SCN7A: variants seen among roughly 807,000 people sequenced by gnomAD.
SCN7A encodes the protein sodium channel protein type 7 subunit alpha.
In SCN7A, 138 loss-of-function variants were observed where a neutral mutation model predicts 155.2. That is an observed-to-expected ratio of 0.89 (90% CI 0.77 to 1.02). The LOEUF (loss-of-function observed/expected upper bound fraction) is 1.02, where lower values mean the gene tolerates loss of function less well. Ranked by LOEUF, SCN7A falls within the 50% of genes least tolerant of loss-of-function variation. The pLI is 0.00. For synonymous variants in SCN7A, 693 were observed against 649.0 expected, an observed-to-expected ratio of 1.07 and a Z score of -1.03; for missense variants, 2,058 against 1,986.6, an observed-to-expected ratio of 1.04 and a Z score of -0.68.
At chr2:166,413,938 G>A (rs556532464) in intron 21 of SCN7A, among the ~76,000 whole-genome samples, 4 of 115,358 alleles carry the variant, frequency 3.5e-5, no homozygotes, top group Admixed American at 3.2e-4. Flanking sequence ...GATCATGTAA[G>A]TTAATACTTA....
At position 166,443,526 on chromosome 2, in the gene SCN7A, C is replaced by T. The variant is rs1426953485; in HGVS notation, c.1777G>A (p.Ala593Thr). The T allele has an allele frequency of 6.3e-7, 1 of 1,594,060 alleles. No individual in the cohort carries two copies. The highest frequency in any genetic ancestry group is 2.3e-5 in the East Asian group (1 of 44,212). ...ACCATCCTGAATAATCGAAGAAGAG[C>T]CATTCCTGCAACATTTGCTAGACAA... is the stretch of plus-strand genomic sequence containing the variant. ...ELCLANVAGMALLRLFRMLRI... is the reference protein window; with the variant it reads ...ELCLANVAGMTLLRLFRMLRI... Residue 593 changes from alanine to threonine, a missense_variant, in exon 14 of 26, where the codon GCT becomes ACT. By Grantham distance (58) the Ala-to-Thr change is moderately conservative. Coordinates refer to ENST00000643258, the MANE Select transcript of SCN7A (RefSeq NM_002976.4).
chr2:166,453,739 T>C (rs1218535679), intron 11 of SCN7A, among the ~76,000 whole-genome samples: 1 of 152,146 alleles, frequency 6.6e-6, no homozygotes, highest in African/African-American at 2.4e-5. Context: ...AGTTTTCCTA[T>C]AACATGAGGA....
intron 15 of SCN7A, among the ~76,000 whole-genome samples, chr2:166,433,888 A>G (rs1194244967): frequency 6.6e-6 from 1 of 152,186 alleles, no homozygotes; most frequent in Non-Finnish European, 1.5e-5. Flanking sequence ...TAACACTTGT[A>G]ACTTATTTTT....
At chr2:166,427,018 A>G (rs1045419570) in intron 18 of SCN7A, among the ~76,000 whole-genome samples, 1 of 152,076 alleles carries the variant, frequency 6.6e-6, no homozygotes, top group East Asian at 1.9e-4. Flanking sequence ...ACAAATACCA[A>G]TATACATTCT....
intron 1 of SCN7A, among the ~76,000 whole-genome samples, chr2:166,492,923 T>C (rs1436044190): frequency 6.6e-6 from 1 of 152,216 alleles, no homozygotes; most frequent in Non-Finnish European, 1.5e-5. Context: ...GTACAAAAAT[T>C]GAAATCAAGT....
rs148316135 is a variant in SCN7A at position 166,441,321 on chromosome 2, T to C, written c.2157+75A>G. ...CACAGTTACAGACCATTAGATCCCA[T>C]CAATGCACATCATGAAAATACCAAA... On this transcript the variant is annotated intron_variant, in intron 15 of 25. Coordinates refer to ENST00000643258, the MANE Select transcript of SCN7A (RefSeq NM_002976.4). 44 of 1,019,804 alleles carry C rather than the reference T, an allele frequency of 4.3e-5. No individual in the cohort carries two copies. In the East Asian group the frequency reaches 1.1e-3, roughly 26 times the overall value. The allele number at this position is 1,019,804 out of a possible 1,614,324, so 63.2% of individuals were successfully genotyped here.
At chr2:166,465,756 A>G in intron 8 of SCN7A, 25 bp downstream of exon 8, 1 of 1,608,154 alleles carries the variant, frequency 6.2e-7, no homozygotes, top group Non-Finnish European at 8.5e-7. Context: ...TCAATTTTTG[A>G]TATACATGGC....
At chr2:166,493,146 G>T (rs1274309490) in intron 1 of SCN7A, among the ~76,000 whole-genome samples, 1 of 152,152 alleles carries the variant, frequency 6.6e-6, no homozygotes, top group Non-Finnish European at 1.5e-5. Context: ...GCCATAAATT[G>T]CTCTCCTGAA....
Position 166,447,651 on chromosome 2 carries a change from A to C in SCN7A, c.1348T>G (p.Leu450Val). The change falls in exon 12 of 26, where the codon TTG (leucine) becomes GTG (valine). Residue 450 changes from leucine (L) to valine (V), a missense_variant. Leu to Val is a conservative substitution (Grantham distance 32, BLOSUM62 1). Coordinates refer to ENST00000643258, the MANE Select transcript of SCN7A (RefSeq NM_002976.4). ...KRSPISTDTS[L>V]DVLEDATLRH... ...AGAGTAGCATCTTCCAACACATCCA[A>C]TGATGTGTCTGTGGAAATTGGTGAC... The C allele has an allele frequency of 6.2e-7, 1 of 1,612,692 alleles. No homozygotes were observed. The highest frequency in any genetic ancestry group is 8.5e-7 in the Non-Finnish European group (1 of 1,178,966).
chr2:166,481,528 A>G (rs1702926923), intron 2 of SCN7A, among the ~76,000 whole-genome samples: 1 of 152,166 alleles, frequency 6.6e-6, no homozygotes, highest in Non-Finnish European at 1.5e-5. Flanking sequence ...AAAATTGTCA[A>G]GGGATTTTAC....
Position 166,406,002 on chromosome 2 carries a change from C to G in SCN7A, c.4627G>C (p.Ala1543Pro). Residue 1543 changes from alanine to proline, a missense_variant, in exon 26 of 26, where the codon GCT becomes CCT. Transcript: ENST00000643258. ...IDSSKLSDFA[A>P]ALDPPLFMAK... ...ATGAAAAGAGGAGGATCAAGAGCAG[C>G]TGCAAAATCTGAAAGCTTGCTAGAG... 1 of 1,612,968 alleles carries G rather than the reference C, an allele frequency of 6.2e-7. No homozygotes were observed. Among genetic ancestry groups the G allele is most frequent in the Non-Finnish European group, 8.5e-7 (1 of 1,179,386 alleles).
At chr2:166,413,153 C>T (rs1182959359) in intron 21 of SCN7A, 32 bp from the exon 22 acceptor site, 14 of 1,319,032 alleles carry the variant, frequency 1.1e-5, no homozygotes, top group African/African-American at 1.5e-5. Flanking sequence ...AAAATTTATG[C>T]TTCCTGGCAA....
At chr2:166,492,749 T>C (rs1683141171) in intron 1 of SCN7A, among the ~76,000 whole-genome samples, 1 of 152,208 alleles carries the variant, frequency 6.6e-6, no homozygotes, top group Admixed American at 6.5e-5. Context: ...GTGAAGTAGA[T>C]AAAAACACAG....
chr2:166,462,365 A>AT, intron 10 of SCN7A, 24 bp downstream of exon 10: 1 of 1,569,508 alleles, frequency 6.4e-7, no homozygotes, highest in Non-Finnish European at 8.7e-7. Context: ...TCCTAAGTAC[A>AT]GTACAATTTC....
In SCN7A at chr2:166,447,709, C is replaced by G. The variant is rs750036014; in HGVS notation, c.1291-1G>C. On this transcript the variant is annotated splice_acceptor_variant, in intron 11 of 25. Transcript: ENST00000643258. LOFTEE classifies it high-confidence loss of function. ...TCATTTCTATTTGTATGGTCTTGGC[C>G]TGAAAAGGAATTTGATGGTTTAATA... 1.4e-5 allele frequency: 23 copies of G among 1,609,404 alleles called. No individual in the cohort carries two copies. The highest frequency in any genetic ancestry group is 2.0e-5 in the Non-Finnish European group (23 of 1,176,188).
chr2:166,465,438 T>C (rs779780675), intron 9 of SCN7A, 24 bp downstream of exon 9: 8 of 1,522,348 alleles, frequency 5.3e-6, no homozygotes, highest in Non-Finnish European at 6.4e-6. Context: ...AATGATTTAA[T>C]AGAATAAAAC....
intron 23 of SCN7A, among the ~76,000 whole-genome samples, chr2:166,411,356 C>A (rs1185224118): frequency 6.6e-6 from 1 of 152,054 alleles, no homozygotes; most frequent in Non-Finnish European, 1.5e-5. Context: ...GCCACCCACA[C>A]ATTACTCACT....
Position 166,462,398 on chromosome 2 carries a change from A to C in SCN7A, c.1074T>G (p.Leu358=). Residue 358 remains leucine (L), a synonymous_variant, in exon 10 of 26, where the codon CTT becomes CTG. Transcript: ENST00000643258. ...RLMAQDYPEV[L]YHQILYASGK... Reference sequence around the variant, plus strand: ...TTCTCTCTGTTCTTACCTGGTGATAAAGTACTTCAGGGTAATCCTGAGCCA... The same window carrying C: ...TTCTCTCTGTTCTTACCTGGTGATACAGTACTTCAGGGTAATCCTGAGCCA... The C allele has an allele frequency of 6.3e-7, 1 of 1,590,312 alleles. No homozygotes were observed. The highest frequency in any genetic ancestry group is 8.6e-7 in the Non-Finnish European group (1 of 1,167,154).
intron 11 of SCN7A, among the ~76,000 whole-genome samples, 196 bp downstream of exon 11, chr2:166,456,674 T>C (rs1369232366): frequency 4.6e-5 from 7 of 152,080 alleles, no homozygotes; most frequent in Admixed American, 4.6e-4. Flanking sequence ...CTTAAAGCAC[T>C]TGGCATGGTG....
Sources: allele counts gnomAD v4.1 joint callset (sites outside exome capture counted in the v4.1 genomes callset), GRCh38; gene constraint gnomAD v4.1.1; transcripts MANE v1.5; gene names NCBI Gene and HGNC (gene_info 2026-07-23, HGNC 2026-07-21).